Variants in SGCZ observed in about 807,000 individuals in gnomAD.
SGCZ encodes the protein sarcoglycan zeta, also known as zeta-sarcoglycan.
Under a neutral mutation model 41.3 loss-of-function variants are expected in SGCZ, and 40 were observed. The ratio of observed to expected loss-of-function variants is 0.97; its 90% confidence interval spans 0.75 to 1.26. SGCZ has a LOEUF of 1.26. SGCZ is among the 50% of genes most tolerant of loss of function. The pLI is 0.00. For missense variants in SGCZ, 552 were observed against 369.8 expected (o/e 1.49, Z -4.04); for synonymous variants, 206 against 137.5 (o/e 1.50, Z -3.49).
intron 2 of SGCZ, among the ~76,000 whole-genome samples, chr8:14,464,766 C>T (rs1801002585): frequency 6.6e-6 from 1 of 151,356 alleles, no homozygotes; most frequent in African/African-American, 2.4e-5. Flanking sequence ...TTGGTGTATT[C>T]TTTAAGTTTT....
At chr8:14,767,360 G>A (rs186125200) in intron 1 of SGCZ, among the ~76,000 whole-genome samples, 1 of 152,298 alleles carries the variant, frequency 6.6e-6, no homozygotes, top group East Asian at 1.9e-4. Flanking sequence ...ATAATAAGGA[G>A]GCTGTTGTTT....
Position 14,489,997 on chromosome 8 carries a change from A to C in SGCZ, c.234+64735T>G, listed in dbSNP as rs192222242. Among the ~76,000 whole-genome samples the C allele has an allele frequency of 7.7e-3, 1,161 of 151,718 alleles. 20 individuals carry two copies. Among genetic ancestry groups the C allele is most frequent in the African/African-American group, 0.027 (1,107 of 41,368 alleles). ...ATTCTTGTGCCTCAGCCTCCTGAGT[A>C]GCTAGGATTAAAGGTGCATGCCACC... On this transcript the variant is annotated intron_variant, in intron 2 of 7. Transcript: ENST00000382080.
intron 1 of SGCZ, among the ~76,000 whole-genome samples, chr8:14,559,251 C>T (rs1282969802): frequency 3.3e-5 from 5 of 152,088 alleles, no homozygotes; most frequent in Non-Finnish European, 1.5e-5. Context: ...CTCCAAAAAG[C>T]TCCTAGAACT....
intron 4 of SGCZ, among the ~76,000 whole-genome samples, chr8:14,197,590 C>T (rs1332452419): frequency 1.3e-5 from 2 of 151,850 alleles, no homozygotes; most frequent in African/African-American, 2.4e-5. Context: ...AGAGAAAAAG[C>T]TTCTGTCAAA....
rs149145324 is a variant in SGCZ, at chr8:14,990,111, A to G, written c.39+247474T>C. Among the ~76,000 whole-genome samples the G allele has an allele frequency of 7.0e-4, 106 of 152,294 alleles. 1 individual carries two copies. Among genetic ancestry groups the G allele is most frequent in the Admixed American group, 6.5e-3 (99 of 15,302 alleles). On this transcript the variant is annotated intron_variant, in intron 1 of 7. Coordinates refer to ENST00000382080, the MANE Select transcript of SGCZ (RefSeq NM_139167.4). ...ATCATGGTCAAACGTTGCCCTGCACACAGCCTGGTCTTCTGTTACTTTATA... is the reference window on the plus strand; with the variant it reads ...ATCATGGTCAAACGTTGCCCTGCACGCAGCCTGGTCTTCTGTTACTTTATA...
chr8:14,858,603 T>C (rs571918508), intron 1 of SGCZ, among the ~76,000 whole-genome samples: 1 of 152,300 alleles, frequency 6.6e-6, no homozygotes, highest in South Asian at 2.1e-4. Flanking sequence ...TTTTTAAGAT[T>C]AGTTGCAATG....
In SGCZ at chr8:14,966,535, T is replaced by C. The variant is rs538449392; in HGVS notation, c.39+271050A>G. On this transcript the variant is annotated intron_variant, in intron 1 of 7. Transcript: ENST00000382080. ...GTATTAATTAAACGTAACAAAAATG[T>C]ATTCCATTTTCAGAGAAGAATAAAA... 3.3e-5 allele frequency among the ~76,000 whole-genome samples: 5 copies of C among 152,164 alleles called. No homozygotes were observed. In the South Asian group the frequency reaches 1.0e-3, roughly 31 times the overall value.
chr8:14,874,786 G>A (rs1585338917), intron 1 of SGCZ, among the ~76,000 whole-genome samples: 2 of 152,082 alleles, frequency 1.3e-5, no homozygotes, highest in East Asian at 1.9e-4. Flanking sequence ...TGTGTTAGAT[G>A]AAATTATAAC....
At chr8:14,208,838 G>A (rs1233761502) in intron 4 of SGCZ, among the ~76,000 whole-genome samples, 1 of 152,158 alleles carries the variant, frequency 6.6e-6, no homozygotes, top group Non-Finnish European at 1.5e-5. Context: ...TATGCTACAG[G>A]AGTTAAGAAG....
At chr8:14,105,614 G>C (rs768977611) in intron 6 of SGCZ, among the ~76,000 whole-genome samples, 33 of 151,752 alleles carry the variant, frequency 2.2e-4, no homozygotes, top group Non-Finnish European at 3.7e-4. Flanking sequence ...CTTTTCTTCT[G>C]TTTCAGTTTG....
At chr8:14,150,310 T>G (rs1426497584) in intron 5 of SGCZ, among the ~76,000 whole-genome samples, 1 of 151,950 alleles carries the variant, frequency 6.6e-6, no homozygotes, top group Admixed American at 6.6e-5. Flanking sequence ...CCAGAATACA[T>G]AAGGAGCTCA....
intron 2 of SGCZ, among the ~76,000 whole-genome samples, chr8:14,400,411 C>T (rs1179197337): frequency 6.6e-6 from 1 of 151,968 alleles, no homozygotes; most frequent in Non-Finnish European, 1.5e-5. Context: ...AAAGTTGCTA[C>T]CACTTTTGAC....
chr8:14,382,153 A>ATT (rs111919394), intron 2 of SGCZ, among the ~76,000 whole-genome samples: 2 of 151,930 alleles, frequency 1.3e-5, no homozygotes, highest in Non-Finnish European at 2.9e-5. Context: ...TGTGGAACAA[A>ATT]TTTTTTCTGC....
chr8:14,525,342 A>T (rs558645611), intron 2 of SGCZ, among the ~76,000 whole-genome samples: 1 of 152,274 alleles, frequency 6.6e-6, no homozygotes, highest in Admixed American at 6.5e-5. Context: ...TTCCTGGACT[A>T]AAAATAATGT....
chr8:14,203,831 G>T (rs908717282), intron 4 of SGCZ, among the ~76,000 whole-genome samples: 1 of 152,074 alleles, frequency 6.6e-6, no homozygotes, highest in African/African-American at 2.4e-5. Flanking sequence ...AAATCAGACA[G>T]GAGTTACATG....
chr8:14,145,935 T>C (rs1023433373), intron 5 of SGCZ, among the ~76,000 whole-genome samples: 10 of 152,242 alleles, frequency 6.6e-5, no homozygotes, highest in South Asian at 2.1e-4. Flanking sequence ...ATATTGCCTA[T>C]AGGATCTAGA....
chr8:14,110,400 C>T (rs1802336076), intron 5 of SGCZ, among the ~76,000 whole-genome samples: 2 of 152,030 alleles, frequency 1.3e-5, no homozygotes, highest in South Asian at 2.1e-4. Context: ...TTACTAAGCA[C>T]AAACTCTATC....
At position 14,102,601 on chromosome 8, in the gene SGCZ, AAAC is replaced by A. The variant is rs937495807; in HGVS notation, c.621-105_621-103del. On this transcript the variant is annotated intron_variant, in intron 6 of 7. Transcript: ENST00000382080. ...ATAAACTAGAAGACAACATTGGTCA[AAAC>A]AACAACCAGACAGACAGGCATAAAG... The A allele has an allele frequency of 4.6e-5, 50 of 1,080,010 alleles. No homozygotes were observed. The African/African-American group carries it at 6.2e-4, about 13-fold the overall frequency. 66.9% of individuals were successfully genotyped at this position (1,080,010 alleles called of 1,614,324 possible).
Position 14,868,030 on chromosome 8 carries a change from T to C in SGCZ, c.40-313104A>G, listed in dbSNP as rs141801958. 7.9e-5 allele frequency among the ~76,000 whole-genome samples: 12 copies of C among 152,254 alleles called. No individual in the cohort carries two copies. In the East Asian group the frequency reaches 1.7e-3, roughly 22 times the overall value. ...GAGTCCCTGCCTACCTCCTTAGAAT[T>C]AGCTCTATGTTTCAGACATACTTAG... is the stretch of plus-strand genomic sequence containing the variant. On this transcript the variant is annotated intron_variant, in intron 1 of 7. Coordinates refer to ENST00000382080, the MANE Select transcript of SGCZ (RefSeq NM_139167.4).
Sources: allele counts gnomAD v4.1 joint callset (sites outside exome capture counted in the v4.1 genomes callset), GRCh38; gene constraint gnomAD v4.1.1; transcripts MANE v1.5; gene names NCBI Gene and HGNC (gene_info 2026-07-23, HGNC 2026-07-21).